The following OAT variants were observed in gnomAD, a reference collection of about 807,000 sequenced individuals.
The protein encoded by OAT is ornithine aminotransferase, mitochondrial.
A neutral mutation model predicts 48.4 loss-of-function variants in OAT; 35 were observed. The observed-to-expected ratio is 0.72, with a 90% confidence interval of 0.55 to 0.96. The LOEUF (loss-of-function observed/expected upper bound fraction) is 0.96. Ranked by LOEUF, OAT falls within the 40% of genes least tolerant of loss-of-function variation. OAT has a pLI of 0.00. For missense variants in OAT, 438 were observed against 537.9 expected (o/e 0.81, Z 1.84); for synonymous variants, 182 against 198.4 (o/e 0.92, Z 0.70).
chr10:124,414,417 G>A (rs929534953), intron 1 of OAT: 12 of 152,318 alleles, frequency 7.9e-5, no homozygotes, highest in African/African-American at 2.6e-4. Context: ...ACAGTCTGCA[G>A]AGAGTCCAAA....
chr10:124,408,841 C>G lies in OAT; in HGVS notation c.324G>C (p.Leu108Phe). ...TATAGAAAGCTCTAGATGTTAAGGT[C>G]AATTTGTCCACTTGACTCTTCAGAG... ...VNALKSQVDK[L>F]TLTSRAFYNN... is the part of the protein sequence containing the mutation. Residue 108 changes from leucine (L) to phenylalanine (F), a missense_variant, in exon 3 of 10, where the codon TTG becomes TTC. By Grantham distance (22) the Leu-to-Phe change is conservative (BLOSUM62 0). Coordinates refer to ENST00000368845, the MANE Select transcript of OAT (RefSeq NM_000274.4). 1 of 1,612,916 alleles carries G rather than the reference C, an allele frequency of 6.2e-7. No individual in the cohort carries two copies. The highest frequency in any genetic ancestry group is 8.5e-7 in the Non-Finnish European group (1 of 1,179,910).
At chr10:124,418,136 C>T (rs1237793351) in intron 1 of OAT, 1 of 152,392 alleles carries the variant, frequency 6.6e-6, no homozygotes, top group Non-Finnish European at 1.5e-5. Flanking sequence ...GTTGCCCCCC[C>T]ATCCCCCACC....
At chr10:124,408,343 ATTTTT>A (rs146556713) in intron 4 of OAT, among the ~76,000 whole-genome samples, 194 bp downstream of exon 4, 1,311 of 83,438 alleles carry the variant, frequency 0.016, 11 homozygotes, top group Non-Finnish European at 0.021. Context: ...ATATATATAT[ATTTTT>A]TTTTTTTTTT....
chr10:124,398,152 T>A (rs775530855), intron 9 of OAT, 50 bp from the exon 10 acceptor site: 2 of 1,603,914 alleles, frequency 1.2e-6, no homozygotes. Context: ...CGTTTAAACA[T>A]CCCTTGCCGT....
intron 4 of OAT, chr10:124,406,837 A>C (rs1213541540): frequency 4.7e-6 from 2 of 428,224 alleles, no homozygotes; most frequent in Non-Finnish European, 6.2e-6. Flanking sequence ...GAAATAGATC[A>C]TGATCACAAC....
intron 4 of OAT, chr10:124,407,112 C>G: frequency 1.0e-6 from 1 of 985,418 alleles, no homozygotes; most frequent in Non-Finnish European, 1.2e-6. Flanking sequence ...CTTGCAAAGC[C>G]TCTTTCACCA....
intron 1 of OAT, among the ~76,000 whole-genome samples, chr10:124,412,899 T>C (rs1040153076): frequency 1.4e-4 from 22 of 152,168 alleles, no homozygotes; most frequent in Non-Finnish European, 5.9e-5. Flanking sequence ...CACAGTCCGA[T>C]ACCATCAGGC....
rs925373108 is a variant in OAT at position 124,408,343 on chromosome 10, A to T, written c.520+199T>A. 0.083 allele frequency among the ~76,000 whole-genome samples: 6,877 copies of T among 82,894 alleles called. 385 individuals carry two copies. The highest frequency in any genetic ancestry group is 0.11 in the Non-Finnish European group (4,785 of 42,956). 54.4% of individuals were successfully genotyped at this position (82,894 alleles called of 152,430 possible). A position where few individuals can be genotyped will look rare whatever the true frequency, so the allele number is the denominator to read the frequency against. ...TATATATATATATATATATATATATATTTTTTTTTTTTTTTTTTAAATAGA... is the reference window on the plus strand; with the variant it reads ...TATATATATATATATATATATATATTTTTTTTTTTTTTTTTTTTAAATAGA... On this transcript the variant is annotated intron_variant, in intron 4 of 9. Coordinates refer to ENST00000368845, the MANE Select transcript of OAT (RefSeq NM_000274.4).
chr10:124,402,253 C>T lies in OAT; in HGVS notation c.901-414G>A, dbSNP rs950706311. ...AAAGAGTTTACATCTGCCAACCTAA[C>T]TACCAGTAACAACCTAATGACTTAG... On this transcript the variant is annotated intron_variant, in intron 7 of 9. Transcript: ENST00000368845. Among the ~76,000 whole-genome samples, 7 of 152,240 alleles carry T rather than the reference C, an allele frequency of 4.6e-5. No homozygotes were observed. The South Asian group carries it at 6.2e-4, about 14-fold the overall frequency.
chr10:124,417,287 T>G (rs1446096626), intron 1 of OAT, among the ~76,000 whole-genome samples: 2 of 126,498 alleles, frequency 1.6e-5, no homozygotes, highest in Non-Finnish European at 3.6e-5. Context: ...TATAAGCTTT[T>G]TTTTTTTTTT....
chr10:124,411,224 TATG>T (rs1951740882), intron 2 of OAT, among the ~76,000 whole-genome samples: 1 of 144,908 alleles, frequency 6.9e-6, no homozygotes, highest in Non-Finnish European at 1.5e-5. Flanking sequence ...CAATGTAGAA[TATG>T]CAGGCGGCGG....
chr10:124,416,187 A>T (rs997873380), intron 1 of OAT, among the ~76,000 whole-genome samples: 1 of 152,158 alleles, frequency 6.6e-6, no homozygotes, highest in East Asian at 1.9e-4. Flanking sequence ...TTTTATGCCT[A>T]TAAGTCTATA....
Position 124,408,936 on chromosome 10 carries a change from T to G in OAT, c.229A>C (p.Lys77Gln). 6.2e-7 allele frequency: 1 copy of G among 1,613,928 alleles called. No individual in the cohort carries two copies. Among genetic ancestry groups the G allele is most frequent in the African/African-American group, 1.3e-5 (1 of 75,042 alleles). Reference sequence around the variant, plus strand: ...TAAGAACTCAGGAAGTCAAAATATTTTCTGCCTTCTACATCCCATAAGTAA... The same window carrying G: ...TAAGAACTCAGGAAGTCAAAATATTGTCTGCCTTCTACATCCCATAAGTAA... Reference protein sequence around the residue: ...GIYLWDVEGRKYFDFLSSYSA... With the variant: ...GIYLWDVEGRQYFDFLSSYSA... The change falls in exon 3 of 10, where the codon AAA (lysine) becomes CAA (glutamine). Residue 77 changes from lysine (K) to glutamine (Q), a missense_variant. By Grantham distance (53) the Lys-to-Gln change is moderately conservative. Coordinates refer to ENST00000368845, the MANE Select transcript of OAT (RefSeq NM_000274.4).
chr10:124,399,178 G>A (rs1951324145), intron 9 of OAT, among the ~76,000 whole-genome samples: 1 of 151,972 alleles, frequency 6.6e-6, no homozygotes, highest in Admixed American at 6.6e-5. Flanking sequence ...CGCTTCCTGA[G>A]CTCAACATAT....
chr10:124,399,775 C>T lies in OAT; in HGVS notation c.1159+1065G>A, dbSNP rs527446208. On this transcript the variant is annotated intron_variant, in intron 9 of 9. Coordinates refer to ENST00000368845, the MANE Select transcript of OAT (RefSeq NM_000274.4). ...AAAGGATGTACTAAAACATCAAACA[C>T]CCAATTAAGTGACAGCCAGCATTAT... 1.2e-4 allele frequency among the ~76,000 whole-genome samples: 18 copies of T among 152,242 alleles called. No individual in the cohort carries two copies. The South Asian group carries it at 3.5e-3, about 30-fold the overall frequency.
rs1564742697 is a variant in OAT, at chr10:124,415,074, T to TGTGTCGCTAAAA, written c.-29-2875_-29-2874insTTTTAGCGACAC. The stretch of plus-strand genomic sequence containing the variant: ...CACTCCAGCCTGGGCTACAAAGCGC[T>TGTGTCGCTAAAA]AAAAAAAAAAAAAAAAAAAAAAAAA... On this transcript the variant is annotated intron_variant, in intron 1 of 9. Transcript: ENST00000368845. 2.3e-3 allele frequency: 38 copies of TGTGTCGCTAAAA among 16,858 alleles called. 16 individuals are homozygous for TGTGTCGCTAAAA. The highest frequency in any genetic ancestry group is 0.021 in the East Asian group (11 of 530). 1.0% of individuals were successfully genotyped at this position (16,858 alleles called of 1,614,324 possible).
rs1952007298 is a variant in OAT, at chr10:124,418,858, G to A, written c.-30+15C>T. ...CCCGAACCAGAGCCCCAGGACAGCG[G>A]CGCCCAGACGGTACCTGACAGCGCC... On this transcript the variant is annotated intron_variant, in intron 1 of 9. Transcript: ENST00000368845. 6.6e-6 allele frequency: 1 copy of A among 152,246 alleles called. No homozygotes were observed. Among genetic ancestry groups the A allele is most frequent in the Admixed American group, 6.5e-5 (1 of 15,286 alleles). The allele number at this position is 152,246 out of a possible 1,614,324, so 9.4% of individuals were successfully genotyped here. A position where few individuals can be genotyped will look rare whatever the true frequency, so the allele number is the denominator to read the frequency against.
In OAT at chr10:124,407,495, A is replaced by G. The variant is rs535058608; in HGVS notation, c.520+1047T>C. The stretch of plus-strand genomic sequence containing the variant: ...TGTTGTCCTACAACGAAAGCACAAG[A>G]TTTTTAAATGGCAAGTTACAGAGTT... On this transcript the variant is annotated intron_variant, in intron 4 of 9. Transcript: ENST00000368845. The G allele has an allele frequency of 6.2e-6, 6 of 971,724 alleles. No individual in the cohort carries two copies. In the South Asian group the frequency reaches 2.4e-4, roughly 39 times the overall value. 60.2% of individuals were successfully genotyped at this position (971,724 alleles called of 1,614,324 possible).
At chr10:124,407,758 C>T (rs867938233) in intron 4 of OAT, among the ~76,000 whole-genome samples, 10 of 152,172 alleles carry the variant, frequency 6.6e-5, no homozygotes, top group Middle Eastern at 3.4e-3. Context: ...CAAGTCAGAA[C>T]CTCTCATTTG....
Sources: allele counts gnomAD v4.1 joint callset (sites outside exome capture counted in the v4.1 genomes callset), GRCh38; gene constraint gnomAD v4.1.1; transcripts MANE v1.5; gene names NCBI Gene and HGNC (gene_info 2026-07-23, HGNC 2026-07-21).